NPAS3: variants seen among roughly 807,000 people sequenced by gnomAD.
NPAS3 encodes neuronal PAS domain protein 3.
Under a neutral mutation model 73.1 loss-of-function variants are expected in NPAS3, and 14 were observed. The observed-to-expected ratio is 0.19, with a 90% CI of 0.13 to 0.30. The LOEUF (loss-of-function observed/expected upper bound fraction) is 0.30, where lower values mean the gene tolerates loss of function less well. Among genes scored for constraint, NPAS3 ranks in the 10% least tolerant of loss-of-function variants. NPAS3 has a pLI of 1.00. For missense variants in NPAS3, 1,096 were observed against 1,250.0 expected (o/e 0.88, Z 1.86); for synonymous variants, 620 against 541.5 (o/e 1.14, Z -2.01).
chr14:33,754,558 A>T (rs1046172435), intron 7 of NPAS3, among the ~76,000 whole-genome samples: 1 of 152,132 alleles, frequency 6.6e-6, no homozygotes, highest in Non-Finnish European at 1.5e-5. Flanking sequence ...CATGGCTTCA[A>T]TGGAATGTGC....
chr14:33,784,756 T>TTATTTA (rs1566538800), intron 9 of NPAS3, among the ~76,000 whole-genome samples: 8 of 124,820 alleles, frequency 6.4e-5, no homozygotes, highest in Admixed American at 1.6e-4. Context: ...TTTTTTTTTT[T>TTATTTA]TTTTTTTTTT....
chr14:33,789,743 C>T (rs6571616), intron 9 of NPAS3, among the ~76,000 whole-genome samples: 142,786 of 147,356 alleles, frequency 0.97, 69,226 homozygotes, highest in East Asian at 1. Context: ...CGCCCGCCAC[C>T]ACGCCCGGCT....
chr14:33,441,792 C>A (rs1055694063), intron 4 of NPAS3, among the ~76,000 whole-genome samples: 2 of 152,258 alleles, frequency 1.3e-5, no homozygotes, highest in Middle Eastern at 3.4e-3. Context: ...AAAGGAGAAG[C>A]AAAGGCACGT....
chr14:33,390,198 TC>T (rs1326050919), intron 4 of NPAS3, among the ~76,000 whole-genome samples: 2 of 152,210 alleles, frequency 1.3e-5, no homozygotes, highest in Non-Finnish European at 2.9e-5. Context: ...TGAGTATTTT[TC>T]ATTTGATATG....
intron 1 of NPAS3, among the ~76,000 whole-genome samples, chr14:32,967,049 A>G (rs2037203998): frequency 6.6e-6 from 1 of 152,202 alleles, no homozygotes; most frequent in Non-Finnish European, 1.5e-5. Flanking sequence ...AATATCCAGA[A>G]GATACAGTTG....
At position 33,054,848 on chromosome 14, in the gene NPAS3, G is replaced by A. The variant is rs533523941; in HGVS notation, c.51-1057G>A. Among the ~76,000 whole-genome samples, 297 of 152,100 alleles carry A rather than the reference G, an allele frequency of 2.0e-3. 1 individual carries two copies. Among genetic ancestry groups the A allele is most frequent in the Middle Eastern group, 3.4e-3 (1 of 294 alleles). On this transcript the variant is annotated intron_variant, in intron 1 of 11. Coordinates refer to ENST00000356141, the Ensembl canonical transcript of NPAS3. Reference sequence around the variant, plus strand: ...AGGATGGTCTTGATCTCCTGACCTCGTGATCCGCCTGCCTCGGCCTCCCAA... The same window carrying A: ...AGGATGGTCTTGATCTCCTGACCTCATGATCCGCCTGCCTCGGCCTCCCAA...
intron 5 of NPAS3, among the ~76,000 whole-genome samples, chr14:33,666,339 ATTC>A (rs2059449640): frequency 6.6e-6 from 1 of 152,094 alleles, no homozygotes. Flanking sequence ...GTCCTTACTC[ATTC>A]TTTTCTCTGT....
intron 4 of NPAS3, among the ~76,000 whole-genome samples, chr14:33,545,049 T>C (rs1372254611): frequency 6.6e-6 from 1 of 151,620 alleles, no homozygotes; most frequent in Non-Finnish European, 1.5e-5. Context: ...CCTTAATTTG[T>C]CTCTTTCCAT....
At chr14:33,117,695 C>A (rs755473579) in intron 2 of NPAS3, among the ~76,000 whole-genome samples, 1 of 151,992 alleles carries the variant, frequency 6.6e-6, no homozygotes, top group Non-Finnish European at 1.5e-5. Flanking sequence ...GGAATTGTAA[C>A]CTTATTTGAT....
intron 4 of NPAS3, among the ~76,000 whole-genome samples, chr14:33,480,460 G>A (rs1020320184): frequency 6.6e-6 from 1 of 151,860 alleles, no homozygotes. Flanking sequence ...AATTCCTGAA[G>A]AACTTCCAAG....
intron 3 of NPAS3, among the ~76,000 whole-genome samples, chr14:33,337,961 G>T: frequency 1.7e-5 from 1 of 57,182 alleles, no homozygotes; most frequent in South Asian, 3.9e-4. Flanking sequence ...TTATTTCTAG[G>T]AATTTTTTTT....
At chr14:33,382,816 G>A (rs1038808080) in intron 4 of NPAS3, among the ~76,000 whole-genome samples, 4 of 152,072 alleles carry the variant, frequency 2.6e-5, no homozygotes, top group African/African-American at 9.7e-5. Context: ...ATTCCAGCTA[G>A]GCATGGTGGA....
At chr14:32,998,575 C>G (rs138964500) in intron 1 of NPAS3, among the ~76,000 whole-genome samples, 55 of 152,284 alleles carry the variant, frequency 3.6e-4, no homozygotes, top group Non-Finnish European at 2.8e-4. Flanking sequence ...CTGGCTCCCC[C>G]TTGTGTACAG....
chr14:33,011,571 A>G (rs1417443823), intron 1 of NPAS3, among the ~76,000 whole-genome samples: 2 of 152,052 alleles, frequency 1.3e-5, no homozygotes, highest in African/African-American at 2.4e-5. Flanking sequence ...TTCCTCATCA[A>G]TGTTATAAGG....
At chr14:33,333,057 T>C (rs1395080916) in intron 3 of NPAS3, among the ~76,000 whole-genome samples, 2 of 152,182 alleles carry the variant, frequency 1.3e-5, no homozygotes, top group African/African-American at 4.8e-5. Context: ...ATGCATACAA[T>C]AGTCAGAGCA....
intron 1 of NPAS3, among the ~76,000 whole-genome samples, chr14:32,983,056 AG>A (rs1223698910): frequency 2.0e-5 from 3 of 152,218 alleles, no homozygotes; most frequent in Admixed American, 1.3e-4. Flanking sequence ...TAATTAGAGA[AG>A]AAAAACCTAT....
intron 3 of NPAS3, among the ~76,000 whole-genome samples, chr14:33,251,502 A>C (rs2139894015): frequency 6.6e-6 from 1 of 152,204 alleles, no homozygotes; most frequent in South Asian, 2.1e-4. Context: ...CAGTGAATGA[A>C]AAGGCAATTC....
In NPAS3 at chr14:33,764,571, G is replaced by A. The variant is rs371429054; in HGVS notation, c.853-9766G>A. Among the ~76,000 whole-genome samples the A allele has an allele frequency of 7.2e-5, 11 of 152,336 alleles. No individual in the cohort carries two copies. In the East Asian group the frequency reaches 1.5e-3, roughly 21 times the overall value. ...GGGAAGCAGTTTTTCTTCCTTGCCTGACGTGGGACTAGTTCTGAGTCTTTT... is the reference window on the plus strand; with the variant it reads ...GGGAAGCAGTTTTTCTTCCTTGCCTAACGTGGGACTAGTTCTGAGTCTTTT... On this transcript the variant is annotated intron_variant, in intron 7 of 11. Coordinates refer to ENST00000356141, the Ensembl canonical transcript of NPAS3.
At chr14:33,773,473 A>AT (rs1217571083) in intron 7 of NPAS3, among the ~76,000 whole-genome samples, 1 of 152,050 alleles carries the variant, frequency 6.6e-6, no homozygotes, top group Non-Finnish European at 1.5e-5. Context: ...AATCCTGCCT[A>AT]TTTTTTACCC....
Sources: gnomAD v4.1 joint callset for allele counts (sites outside exome capture counted in the v4.1 genomes callset) on GRCh38, gnomAD v4.1.1 for gene constraint, MANE v1.5 for transcripts, NCBI Gene and HGNC (gene_info 2026-07-23, HGNC 2026-07-21) for gene names.